Variants in APOB observed in about 807,000 individuals in gnomAD.
The protein encoded by APOB is apolipoprotein B-100.
A neutral mutation model predicts 314.1 loss-of-function variants in APOB; 153 were observed. The observed-to-expected ratio is 0.49, with a 90% CI of 0.43 to 0.56. APOB has a LOEUF of 0.56. Ranked by LOEUF, APOB falls within the 20% of genes least tolerant of loss-of-function variation. APOB has a pLI of 0.00. For missense variants in APOB, 5,430 were observed against 5,350.7 expected (o/e 1.01, Z -0.46); for synonymous variants, 2,087 against 2,036.4 (o/e 1.02, Z -0.67).
chr2:21,013,549 A>T lies in APOB; in HGVS notation c.3843-16T>A. On this transcript the variant is annotated splice_polypyrimidine_tract_variant and intron_variant, in intron 24 of 28. Coordinates refer to ENST00000233242, the MANE Select transcript of APOB (RefSeq NM_000384.3). ...CCGGCCATCGCTGAAATGAACAACAAAGATAACATCCCCACAGTCAGACAT... is the reference window on the plus strand; with the variant it reads ...CCGGCCATCGCTGAAATGAACAACATAGATAACATCCCCACAGTCAGACAT... 5.0e-6 allele frequency: 8 copies of T among 1,613,928 alleles called. No individual in the cohort carries two copies. The highest frequency in any genetic ancestry group is 6.8e-6 in the Non-Finnish European group (8 of 1,180,020).
Position 21,010,898 on chromosome 2 carries a change from A to G in APOB, c.5970T>C (p.Asn1990=), listed in dbSNP as rs1452684607. ...AAGCATCCAAGTCCTGGCTGTATTC[A>G]TTGTTGTTAAATTGGGTCTTGAGTT... ...TWKLKTQFNN[N]EYSQDLDAYN... is the part of the protein sequence containing the mutation. The change falls in exon 26 of 29, where the codon AAT becomes AAC. Residue 1990 remains asparagine, a synonymous_variant. Transcript: ENST00000233242. 3.7e-6 allele frequency: 6 copies of G among 1,614,046 alleles called. No individual in the cohort carries two copies. The highest frequency in any genetic ancestry group is 1.1e-5 in the South Asian group (1 of 91,074).
intron 8 of APOB, among the ~76,000 whole-genome samples, chr2:21,034,205 T>G (rs1306570229): frequency 6.6e-6 from 1 of 152,170 alleles, no homozygotes; most frequent in East Asian, 1.9e-4. Flanking sequence ...ACCTGGCACT[T>G]ATTTTCCCCC....
rs111899014 is a variant in APOB at position 21,007,148 on chromosome 2, G to T, written c.9720C>A (p.Asp3240Glu). Residue 3240 changes from aspartate to glutamate, a missense_variant, in exon 26 of 29, where the codon GAC becomes GAA. Asp to Glu is a conservative substitution (Grantham distance 45). Coordinates refer to ENST00000233242, the MANE Select transcript of APOB (RefSeq NM_000384.3). ...GAATTTGAAAGGTCCTGGGGAGCTC[G>T]TCGTGAGATTTTTCAGCTTTGTACT... ...FDKYKAEKSHDELPRTFQIPG... is the reference protein window; with the variant it reads ...FDKYKAEKSHEELPRTFQIPG... The T allele has an allele frequency of 3.7e-6, 6 of 1,613,814 alleles. No homozygotes were observed. The East Asian group carries it at 1.3e-4, about 36-fold the overall frequency.
intron 22 of APOB, 29 bp downstream of exon 22, chr2:21,015,341 A>G (rs1663439967): frequency 2.5e-6 from 4 of 1,614,016 alleles, no homozygotes; most frequent in Non-Finnish European, 3.4e-6. Context: ...TTACTTTGGA[A>G]GTGCTCACAC....
At chr2:21,022,708 T>A (rs1663641150) in intron 18 of APOB, 123 bp downstream of exon 18, 1 of 849,562 alleles carries the variant, frequency 1.2e-6, no homozygotes, top group African/African-American at 1.7e-5. Flanking sequence ...TCCTTTCTAC[T>A]CCTCTCCTGC....
intron 25 of APOB, 86 bp downstream of exon 25, chr2:21,013,074 A>C: frequency 6.4e-7 from 1 of 1,560,888 alleles, no homozygotes; most frequent in South Asian, 1.1e-5. Context: ...CTAGAAAGCC[A>C]AAGTCCTTTC....
chr2:21,037,358 T>C, intron 5 of APOB, 103 bp from the exon 6 acceptor site: 1 of 1,261,340 alleles, frequency 7.9e-7, no homozygotes. Context: ...GCAGAAGGAA[T>C]CTAGCTTTGG....
At position 21,027,991 on chromosome 2, in the gene APOB, C is replaced by A; in HGVS notation, c.1904G>T (p.Arg635Leu). 1 of 1,614,018 alleles carries A rather than the reference C, an allele frequency of 6.2e-7. No homozygotes were observed. Among genetic ancestry groups the A allele is most frequent in the South Asian group, 1.1e-5 (1 of 91,080 alleles). ...AACAGATTTGTAGAGTTGATAGTTCCGAGAGAATTTTCTGAAGTCCATGAC... is the reference window on the plus strand; with the variant it reads ...AACAGATTTGTAGAGTTGATAGTTCAGAGAGAATTTTCTGAAGTCCATGAC... ...PTVMDFRKFSRNYQLYKSVSL... is the reference protein window; with the variant it reads ...PTVMDFRKFSLNYQLYKSVSL... Residue 635 changes from arginine (R) to leucine (L), a missense_variant, in exon 14 of 29, where the codon CGG becomes CTG. Coordinates refer to ENST00000233242, the MANE Select transcript of APOB (RefSeq NM_000384.3).
chr2:21,043,669 G>C (rs889566222), intron 1 of APOB, 118 bp from the exon 2 acceptor site: 2 of 1,509,288 alleles, frequency 1.3e-6, no homozygotes, highest in South Asian at 2.4e-5. Context: ...AGGCTCCGGA[G>C]ACCCCCTCCT....
Position 21,015,426 on chromosome 2 carries a change from T to G in APOB, c.3452A>C (p.Asp1151Ala). ...WSPAKLLLQMDSSATAYGSTV... is the reference protein window; with the variant it reads ...WSPAKLLLQMASSATAYGSTV... The stretch of plus-strand genomic sequence containing the variant: ...GGAGCCATAAGCTGTAGCAGATGAG[T>G]CCATTTGGAGAAGCAGTTTGGCAGG... Residue 1151 changes from aspartate (D) to alanine (A), a missense_variant, in exon 22 of 29, where the codon GAC becomes GCC. Around this residue, in one of 3 missense-constraint regions of APOB, gnomAD observed 2,085 missense variants for 2,079.7 expected, o/e 1.00. Coordinates refer to ENST00000233242, the MANE Select transcript of APOB (RefSeq NM_000384.3). The G allele has an allele frequency of 1.2e-6, 2 of 1,614,012 alleles. No homozygotes were observed. The highest frequency in any genetic ancestry group is 1.7e-6 in the Non-Finnish European group (2 of 1,180,016).
intron 12 of APOB, 114 bp downstream of exon 12, chr2:21,029,525 G>C: frequency 8.3e-7 from 1 of 1,204,612 alleles, no homozygotes; most frequent in Non-Finnish European, 1.2e-6. Flanking sequence ...GGAAGGAAAG[G>C]AAAGAAACAG....
chr2:21,018,856 C>A (rs901676032), intron 20 of APOB, 136 bp downstream of exon 20: 1 of 1,308,612 alleles, frequency 7.6e-7, no homozygotes, highest in African/African-American at 1.5e-5. Flanking sequence ...TAACCCAGGT[C>A]TTAGAATAGG....
chr2:21,043,466 T>G (rs991156045), intron 2 of APOB, 47 bp downstream of exon 2: 4 of 1,573,694 alleles, frequency 2.5e-6, no homozygotes, highest in Non-Finnish European at 3.5e-6. Flanking sequence ...TGTAGGAGAG[T>G]GCACGGGGCT....
Position 21,011,099 on chromosome 2 carries a change from A to C in APOB, c.5769T>G (p.His1923Gln). 1 of 1,614,228 alleles carries C rather than the reference A, an allele frequency of 6.2e-7. No homozygotes were observed. The highest frequency in any genetic ancestry group is 8.5e-7 in the Non-Finnish European group (1 of 1,180,032). ...GGAATTTGCTATACAGCTGCCCAGT[A>C]TGTTCTCCCCAGAGAGCGAGTTTCC... is the stretch of plus-strand genomic sequence containing the variant. Reference protein sequence around the residue: ...GNGKLALWGEHTGQLYSKFLL... With the variant: ...GNGKLALWGEQTGQLYSKFLL... The change falls in exon 26 of 29, where the codon CAT becomes CAG. Residue 1923 changes from histidine (H) to glutamine (Q), a missense_variant. Physicochemically the swap from His to Gln is conservative, Grantham distance 24. Coordinates refer to ENST00000233242, the MANE Select transcript of APOB (RefSeq NM_000384.3).
chr2:21,005,107 C>A lies in APOB; in HGVS notation c.11761G>T (p.Val3921Leu), dbSNP rs72654409. ...TVLDSTCSST[V>L]QFLEYELNVL... ...TTTAGTTCATATTCTAGGAACTGTA[C>A]GGTTGAGCTGCATGTGGAATCCAGG... The change falls in exon 26 of 29, where the codon GTA becomes TTA. Residue 3921 changes from valine to leucine, a missense_variant. Around this residue, in one of 3 missense-constraint regions of APOB, gnomAD observed 3,281 missense variants for 3,171.0 expected, o/e 1.03. Coordinates refer to ENST00000233242, the MANE Select transcript of APOB (RefSeq NM_000384.3). The A allele has an allele frequency of 6.2e-7, 1 of 1,613,870 alleles. No individual in the cohort carries two copies. Among genetic ancestry groups the A allele is most frequent in the South Asian group, 1.1e-5 (1 of 91,088 alleles).
At chr2:21,030,124 A>T (rs1316716425) in intron 10 of APOB, 109 bp from the exon 11 acceptor site, 1 of 747,744 alleles carries the variant, frequency 1.3e-6, no homozygotes, top group Non-Finnish European at 2.3e-6. Flanking sequence ...ATGGAATCCA[A>T]AAAGAGCCTG....
In APOB at chr2:21,006,620, T is replaced by G; in HGVS notation, c.10248A>C (p.Leu3416Phe). 1 of 1,614,096 alleles carries G rather than the reference T, an allele frequency of 6.2e-7. No homozygotes were observed. The highest frequency in any genetic ancestry group is 8.5e-7 in the Non-Finnish European group (1 of 1,179,972). ...VEGSHNSTVSLTTKNMEVSVA... is the reference protein window; with the variant it reads ...VEGSHNSTVSFTTKNMEVSVA... ...CTGACACTTCCATATTTTTCGTGGT[T>G]AAGCTCACAGTACTGTTATGACTAC... is the stretch of plus-strand genomic sequence containing the variant. Residue 3416 changes from leucine (L) to phenylalanine (F), a missense_variant, in exon 26 of 29, where the codon TTA becomes TTC. By Grantham distance (22) the Leu-to-Phe change is conservative. This residue lies in a region of APOB where 3,281 missense variants were observed against 3,171.0 expected (regional missense o/e 1.03). Coordinates refer to ENST00000233242, the MANE Select transcript of APOB (RefSeq NM_000384.3).
In APOB at chr2:21,005,395, A is replaced by T. The variant is rs1167112547; in HGVS notation, c.11473T>A (p.Phe3825Ile). The change falls in exon 26 of 29, where the codon TTC (phenylalanine) becomes ATC (isoleucine). Residue 3825 changes from phenylalanine (F) to isoleucine (I), a missense_variant. By Grantham distance (21) the Phe-to-Ile change is conservative. Coordinates refer to ENST00000233242, the MANE Select transcript of APOB (RefSeq NM_000384.3). ...VPESQLTVSQ[F>I]TLPKSVSDGI... The stretch of plus-strand genomic sequence containing the variant: ...TCTGAAACACTTTTTGGAAGCGTGA[A>T]CTGGGACACAGTTAACTGAGATTCA... The T allele has an allele frequency of 6.2e-7, 1 of 1,614,106 alleles. No individual in the cohort carries two copies. The highest frequency in any genetic ancestry group is 8.5e-7 in the Non-Finnish European group (1 of 1,179,974).
chr2:21,035,011 A>G, intron 7 of APOB, 110 bp from the exon 8 acceptor site: 1 of 773,148 alleles, frequency 1.3e-6, no homozygotes, highest in Non-Finnish European at 2.4e-6. Flanking sequence ...CCATCTTTCA[A>G]AGCATGGGTA....
Sources: allele counts gnomAD v4.1 joint callset (sites outside exome capture counted in the v4.1 genomes callset), GRCh38; gene constraint gnomAD v4.1.1; regional missense constraint gnomAD v4.1.1; transcripts MANE v1.5; gene names NCBI Gene and HGNC (gene_info 2026-07-23, HGNC 2026-07-21).